The following FZD1 variants were observed in gnomAD, a reference collection of about 807,000 sequenced individuals.
FZD1 encodes the protein frizzled class receptor 1, also known as frizzled-1.
In FZD1, 22 loss-of-function variants were observed where a neutral mutation model predicts 48.0. The ratio of observed to expected loss-of-function variants is 0.46; its 90% CI spans 0.33 to 0.65. FZD1 has a LOEUF of 0.65. Ranked by LOEUF, FZD1 falls within the 30% of genes least tolerant of loss-of-function variation. The probability of loss-of-function intolerance (pLI) is 0.02; values close to 1 mark genes in which losing one functional copy is unlikely to be tolerated. For synonymous variants in FZD1, 486 were observed against 409.6 expected (o/e 1.19, Z -2.25); for missense variants, 843 against 898.1 (o/e 0.94, Z 0.78).
chr7:91,270,875 C>A lies in FZD1; in HGVS notation c.*4051C>A, dbSNP rs1470748083. 6.0e-6 allele frequency: 1 copy of A among 167,028 alleles called. No homozygotes were observed. Among genetic ancestry groups the A allele is most frequent in the East Asian group, 1.9e-4 (1 of 5,200 alleles). The allele number at this position is 167,028 out of a possible 1,614,324, so 10.3% of individuals were successfully genotyped here. On this transcript the variant is annotated 3_prime_UTR_variant, in exon 1 of 1. Coordinates refer to ENST00000287934, the MANE Select transcript of FZD1 (RefSeq NM_003505.2). ...TAGAGGTGGACGCTGGTGATATTGTCATTGAATACTTTGCAGAATACACTA... is the reference window on the plus strand; with the variant it reads ...TAGAGGTGGACGCTGGTGATATTGTAATTGAATACTTTGCAGAATACACTA...
Position 91,266,383 on chromosome 7 carries a change from C to A in FZD1, c.1503C>A (p.Ile501=), listed in dbSNP as rs1300737368. ...CGCCCCTCTTCGTGTACCTGTTTATCGGCACGTCCTTTCTGCTGGCCGGCT... is the reference window on the plus strand; with the variant it reads ...CGCCCCTCTTCGTGTACCTGTTTATAGGCACGTCCTTTCTGCTGGCCGGCT... ...VLAPLFVYLF[I]GTSFLLAGFV... The change falls in exon 1 of 1, where the codon ATC becomes ATA. Residue 501 remains isoleucine (I), a synonymous_variant. Coordinates refer to ENST00000287934, the MANE Select transcript of FZD1 (RefSeq NM_003505.2). The surrounding 1 kb of genome is among the most constrained non-coding windows in gnomAD (Gnocchi z 6.8). 4.3e-6 allele frequency: 7 copies of A among 1,614,148 alleles called. No homozygotes were observed. Among genetic ancestry groups the A allele is most frequent in the Non-Finnish European group, 5.9e-6 (7 of 1,180,010 alleles).
At position 91,266,847 on chromosome 7, in the gene FZD1, C is replaced by T. The variant is rs763684265; in HGVS notation, c.*23C>T. 5 of 1,485,822 alleles carry T rather than the reference C, an allele frequency of 3.4e-6. No individual in the cohort carries two copies. Among genetic ancestry groups the T allele is most frequent in the Non-Finnish European group, 4.6e-6 (5 of 1,095,548 alleles). The allele number at this position is 1,485,822 out of a possible 1,614,324, so 92.0% of individuals were successfully genotyped here. A position where few individuals can be genotyped will look rare whatever the true frequency, so the allele number is the denominator to read the frequency against. On this transcript the variant is annotated 3_prime_UTR_variant, in exon 1 of 1. Transcript: ENST00000287934. The surrounding 1 kb of genome is among the most constrained non-coding windows in gnomAD (Gnocchi z 6.8). ...TGAGACCCGGGGCTCAGCCCATGCC[C>T]AGGCCTCGGCCGGGGCGCAGCGATC...
chr7:91,267,916 G>T lies in FZD1; in HGVS notation c.*1092G>T, dbSNP rs1389277144. On this transcript the variant is annotated 3_prime_UTR_variant, in exon 1 of 1. Coordinates refer to ENST00000287934, the MANE Select transcript of FZD1 (RefSeq NM_003505.2). ...AAAATGTTAATTCTAATTGCATACG[G>T]ATGCCTGGCAACCTTGCCTTTGAGA... is the stretch of plus-strand genomic sequence containing the variant. 1.2e-5 allele frequency: 2 copies of T among 167,076 alleles called. No individual in the cohort carries two copies. The highest frequency in any genetic ancestry group is 2.4e-5 in the African/African-American group (1 of 41,436). The allele number at this position is 167,076 out of a possible 1,614,324, so 10.3% of individuals were successfully genotyped here.
chr7:91,266,042 G>A lies in FZD1; in HGVS notation c.1162G>A (p.Asp388Asn). The A allele has an allele frequency of 6.2e-7, 1 of 1,614,190 alleles. No individual in the cohort carries two copies. Among genetic ancestry groups the A allele is most frequent in the Non-Finnish European group, 8.5e-7 (1 of 1,180,018 alleles). Reference protein sequence around the residue: ...RVVCNDKFAEDGARTVAQGTK... With the variant: ...RVVCNDKFAENGARTVAQGTK... ...GGTGTGTAATGACAAGTTCGCCGAGGACGGGGCACGCACTGTGGCGCAGGG... is the reference window on the plus strand; with the variant it reads ...GGTGTGTAATGACAAGTTCGCCGAGAACGGGGCACGCACTGTGGCGCAGGG... The change falls in exon 1 of 1, where the codon GAC (aspartate) becomes AAC (asparagine). Residue 388 changes from aspartate to asparagine, a missense_variant. Asp to Asn is a conservative substitution (Grantham distance 23). This residue lies in a region of FZD1 where 353 missense variants were observed against 431.6 expected (regional missense o/e 0.82). Coordinates refer to ENST00000287934, the MANE Select transcript of FZD1 (RefSeq NM_003505.2). This position sits in a 1 kb window ranked among gnomAD's most constrained non-coding sequence, Gnocchi z 6.8.
chr7:91,265,965 ACACGGC>A lies in FZD1; in HGVS notation c.1087_1092del (p.Thr363_Ala364del), dbSNP rs1803872610. ...CCCATCATCTTCTTGTCCGGCTGTT[ACACGGC>A]CGTGGCCGTGGCCTACATCGCCGGC... On this transcript the variant is annotated inframe_deletion, in exon 1 of 1. Transcript: ENST00000287934. The surrounding 1 kb of genome is among the most constrained non-coding windows in gnomAD (Gnocchi z 6.9). 1 of 1,613,932 alleles carries A rather than the reference ACACGGC, an allele frequency of 6.2e-7. No individual in the cohort carries two copies. The highest frequency in any genetic ancestry group is 1.7e-5 in the Admixed American group (1 of 60,010).
At position 91,265,269 on chromosome 7, in the gene FZD1, A is replaced by G. The variant is rs1319234441; in HGVS notation, c.389A>G (p.Asn130Ser). 2 of 1,614,094 alleles carry G rather than the reference A, an allele frequency of 1.2e-6. No homozygotes were observed. Among genetic ancestry groups the G allele is most frequent in the South Asian group, 1.1e-5 (1 of 91,084 alleles). Residue 130 changes from asparagine to serine, a missense_variant, in exon 1 of 1, where the codon AAC becomes AGC. Around this residue, in one of 2 missense-constraint regions of FZD1, gnomAD observed 490 missense variants for 466.5 expected, o/e 1.05. Transcript: ENST00000287934. The surrounding 1 kb of genome is among the most constrained non-coding windows in gnomAD (Gnocchi z 6.9). ...CCGCTGTGCACGGACATCGCGTACAACCAGACCATCATGCCCAACCTGCTG... is the reference window on the plus strand; with the variant it reads ...CCGCTGTGCACGGACATCGCGTACAGCCAGACCATCATGCCCAACCTGCTG... ...SIPLCTDIAY[N>S]QTIMPNLLGH...
chr7:91,266,943 T>G lies in FZD1; in HGVS notation c.*119T>G. 6 of 689,692 alleles carry G rather than the reference T, an allele frequency of 8.7e-6. No individual in the cohort carries two copies. Among genetic ancestry groups the G allele is most frequent in the Non-Finnish European group, 1.5e-5 (6 of 394,362 alleles). The allele number at this position is 689,692 out of a possible 1,614,324, so 42.7% of individuals were successfully genotyped here. A position where few individuals can be genotyped will look rare whatever the true frequency, so the allele number is the denominator to read the frequency against. ...AGGTTTCCTCACTAGACAACTCTCT[T>G]TCGCAGGCTCCTTTGAACAACTCAG... is the stretch of plus-strand genomic sequence containing the variant. On this transcript the variant is annotated 3_prime_UTR_variant, in exon 1 of 1. Transcript: ENST00000287934. The surrounding 1 kb of genome is among the most constrained non-coding windows in gnomAD (Gnocchi z 6.8).
At position 91,270,003 on chromosome 7, in the gene FZD1, A is replaced by G. The variant is rs1437287992; in HGVS notation, c.*3179A>G. On this transcript the variant is annotated 3_prime_UTR_variant, in exon 1 of 1. Coordinates refer to ENST00000287934, the MANE Select transcript of FZD1 (RefSeq NM_003505.2). Reference sequence around the variant, plus strand: ...CACCACCAGCCTTTATTCTTAGAAAACAATTTATTCTAAATGATGATGCAT... The same window carrying G: ...CACCACCAGCCTTTATTCTTAGAAAGCAATTTATTCTAAATGATGATGCAT... 6.0e-6 allele frequency: 1 copy of G among 167,058 alleles called. No individual in the cohort carries two copies. Among genetic ancestry groups the G allele is most frequent in the East Asian group, 1.9e-4 (1 of 5,198 alleles). The allele number at this position is 167,058 out of a possible 1,614,324, so 10.3% of individuals were successfully genotyped here.
In FZD1 at chr7:91,265,484, A is replaced by G. The variant is rs1340503008; in HGVS notation, c.604A>G (p.Met202Val). The change falls in exon 1 of 1, where the codon ATG becomes GTG. Residue 202 changes from methionine (M) to valine (V), a missense_variant. Met to Val is a conservative substitution (Grantham distance 21). Coordinates refer to ENST00000287934, the MANE Select transcript of FZD1 (RefSeq NM_003505.2). The surrounding 1 kb of genome is among the most constrained non-coding windows in gnomAD (Gnocchi z 6.9). The part of the protein sequence containing the change: ...ERARQGCEAL[M>V]NKFGFQWPDT... ...CGCGCGCCAGGGCTGCGAGGCGCTC[A>G]TGAACAAGTTCGGCTTCCAGTGGCC... The G allele has an allele frequency of 6.2e-7, 1 of 1,613,112 alleles. No homozygotes were observed. Among genetic ancestry groups the G allele is most frequent in the South Asian group, 1.1e-5 (1 of 91,072 alleles).
At position 91,266,461 on chromosome 7, in the gene FZD1, C is replaced by T. The variant is rs777285934; in HGVS notation, c.1581C>T (p.Thr527=). ...TCATGAAGCACGATGGCACCAAGAC[C>T]GAGAAGCTGGAGAAGCTCATGGTGC... The part of the protein sequence containing the change: ...RTIMKHDGTK[T]EKLEKLMVRI... The change falls in exon 1 of 1, where the codon ACC becomes ACT. Residue 527 remains threonine (T), a synonymous_variant. Coordinates refer to ENST00000287934, the MANE Select transcript of FZD1 (RefSeq NM_003505.2). The surrounding 1 kb of genome is among the most constrained non-coding windows in gnomAD (Gnocchi z 6.8). The T allele has an allele frequency of 1.9e-6, 3 of 1,614,024 alleles. No individual in the cohort carries two copies. Among genetic ancestry groups the T allele is most frequent in the Non-Finnish European group, 2.5e-6 (3 of 1,180,012 alleles).
Position 91,265,501 on chromosome 7 carries a change from C to A in FZD1, c.621C>A (p.Phe207Leu). ...AGGCGCTCATGAACAAGTTCGGCTT[C>A]CAGTGGCCAGACACGCTCAAGTGTG... ...GCEALMNKFG[F>L]QWPDTLKCEK... Residue 207 changes from phenylalanine (F) to leucine (L), a missense_variant, in exon 1 of 1, where the codon TTC becomes TTA. Around this residue, in one of 2 missense-constraint regions of FZD1, gnomAD observed 490 missense variants for 466.5 expected, o/e 1.05. Transcript: ENST00000287934. The surrounding 1 kb of genome is among the most constrained non-coding windows in gnomAD (Gnocchi z 6.9). The A allele has an allele frequency of 2.5e-6, 4 of 1,612,780 alleles. No individual in the cohort carries two copies. Among genetic ancestry groups the A allele is most frequent in the Non-Finnish European group, 3.4e-6 (4 of 1,179,836 alleles).
In FZD1 at chr7:91,266,205, C is replaced by T; in HGVS notation, c.1325C>T (p.Ala442Val). The change falls in exon 1 of 1, where the codon GCC becomes GTC. Residue 442 changes from alanine to valine, a missense_variant. By Grantham distance (64) the Ala-to-Val change is moderately conservative (BLOSUM62 0). Transcript: ENST00000287934. This position sits in a 1 kb window ranked among gnomAD's most constrained non-coding sequence, Gnocchi z 6.8. ...AAGTGGGGCCACGAGGCCATCGAAG[C>T]CAACTCACAGTATTTTCACCTGGCC... ...GMKWGHEAIE[A>V]NSQYFHLAAW... 1.2e-6 allele frequency: 2 copies of T among 1,614,154 alleles called. No homozygotes were observed. The highest frequency in any genetic ancestry group is 1.7e-6 in the Non-Finnish European group (2 of 1,180,020).
rs752211281 is a variant in FZD1 at position 91,266,709 on chromosome 7, C to T, written c.1829C>T (p.Thr610Met). The change falls in exon 1 of 1, where the codon ACG (threonine) becomes ATG (methionine). Residue 610 changes from threonine to methionine, a missense_variant. Thr to Met is a moderately conservative substitution (Grantham distance 81). This residue lies in a region of FZD1 where 353 missense variants were observed against 431.6 expected (regional missense o/e 0.82). Transcript: ENST00000287934. This position sits in a 1 kb window ranked among gnomAD's most constrained non-coding sequence, Gnocchi z 6.8. ...GTCTTCATGATTAAGTACCTTATGA[C>T]GCTGATCGTGGGCATCACGTCGGGC... ...FTVFMIKYLMTLIVGITSGFW... is the reference protein window; with the variant it reads ...FTVFMIKYLMMLIVGITSGFW... The T allele has an allele frequency of 6.2e-6, 10 of 1,612,768 alleles. No homozygotes were observed. In the East Asian group the frequency reaches 1.1e-4, roughly 18 times the overall value.
In FZD1 at chr7:91,264,930, C is replaced by G. The variant is rs1204031730; in HGVS notation, c.50C>G (p.Ala17Gly). The change falls in exon 1 of 1, where the codon GCG becomes GGG. Residue 17 changes from alanine (A) to glycine (G), a missense_variant. Physicochemically the swap from Ala to Gly is moderately conservative, Grantham distance 60. Coordinates refer to ENST00000287934, the MANE Select transcript of FZD1 (RefSeq NM_003505.2). ...AAGTCCCGGGCCGCCGGCGGTGGCGCGAGCTGGGAACTTTGTGCCGGGGCG... is the reference window on the plus strand; with the variant it reads ...AAGTCCCGGGCCGCCGGCGGTGGCGGGAGCTGGGAACTTTGTGCCGGGGCG... ...PKKSRAAGGG[A>G]SWELCAGALS... 2 of 1,339,310 alleles carry G rather than the reference C, an allele frequency of 1.5e-6. No homozygotes were observed. Among genetic ancestry groups the G allele is most frequent in the Non-Finnish European group, 1.9e-6 (2 of 1,050,024 alleles). 83.0% of individuals were successfully genotyped at this position (1,339,310 alleles called of 1,614,324 possible).
In FZD1 at chr7:91,265,202, A is replaced by G. The variant is rs1487159468; in HGVS notation, c.322A>G (p.Ile108Val). ...SGQQYNGERG[I>V]SVPDHGYCQP... The stretch of plus-strand genomic sequence containing the variant: ...GCAGCAGTACAACGGCGAGCGGGGC[A>G]TCTCCGTCCCGGACCACGGCTATTG... The change falls in exon 1 of 1, where the codon ATC becomes GTC. Residue 108 changes from isoleucine to valine, a missense_variant. Physicochemically the swap from Ile to Val is conservative, Grantham distance 29 (BLOSUM62 3). This residue lies in a region of FZD1 where 490 missense variants were observed against 466.5 expected (regional missense o/e 1.05). Transcript: ENST00000287934. This position sits in a 1 kb window ranked among gnomAD's most constrained non-coding sequence, Gnocchi z 6.9. The G allele has an allele frequency of 1.2e-6, 2 of 1,613,628 alleles. No individual in the cohort carries two copies. Among genetic ancestry groups the G allele is most frequent in the Non-Finnish European group, 1.7e-6 (2 of 1,179,906 alleles).
At position 91,266,081 on chromosome 7, in the gene FZD1, G is replaced by C; in HGVS notation, c.1201G>C (p.Gly401Arg). 6.2e-7 allele frequency: 1 copy of C among 1,614,212 alleles called. No individual in the cohort carries two copies. Among genetic ancestry groups the C allele is most frequent in the Non-Finnish European group, 8.5e-7 (1 of 1,180,042 alleles). ...RTVAQGTKKE[G>R]CTILFMMLYF... ...TGTGGCGCAGGGCACCAAGAAGGAG[G>C]GCTGCACCATCCTCTTCATGATGCT... Residue 401 changes from glycine (G) to arginine (R), a missense_variant, in exon 1 of 1, where the codon GGC (glycine) becomes CGC (arginine). Transcript: ENST00000287934. The surrounding 1 kb of genome is among the most constrained non-coding windows in gnomAD (Gnocchi z 6.8).
rs1311829566 is a variant in FZD1, at chr7:91,265,190, G to A, written c.310G>A (p.Gly104Ser). The change falls in exon 1 of 1, where the codon GGC becomes AGC. Residue 104 changes from glycine to serine, a missense_variant. Gly to Ser is a moderately conservative substitution (Grantham distance 56, BLOSUM62 0). This residue lies in a region of FZD1 where 490 missense variants were observed against 466.5 expected (regional missense o/e 1.05). Transcript: ENST00000287934. The surrounding 1 kb of genome is among the most constrained non-coding windows in gnomAD (Gnocchi z 6.9). Reference sequence around the variant, plus strand: ...GCAACAGAGCGGGCAGCAGTACAACGGCGAGCGGGGCATCTCCGTCCCGGA... The same window carrying A: ...GCAACAGAGCGGGCAGCAGTACAACAGCGAGCGGGGCATCTCCGTCCCGGA... Reference protein sequence around the residue: ...QQQQSGQQYNGERGISVPDHG... With the variant: ...QQQQSGQQYNSERGISVPDHG... The A allele has an allele frequency of 6.2e-7, 1 of 1,613,078 alleles. No homozygotes were observed.
Position 91,265,168 on chromosome 7 carries a change from A to G in FZD1, c.288A>G (p.Gln96=), listed in dbSNP as rs1803852196. 1.9e-6 allele frequency: 3 copies of G among 1,610,866 alleles called. No homozygotes were observed. Among genetic ancestry groups the G allele is most frequent in the East Asian group, 2.2e-5 (1 of 44,838 alleles). Residue 96 remains glutamine, a synonymous_variant, in exon 1 of 1, where the codon CAA becomes CAG. Transcript: ENST00000287934. The surrounding 1 kb of genome is among the most constrained non-coding windows in gnomAD (Gnocchi z 6.9). The part of the protein sequence containing the change: ...GQQPPPPPQQ[Q]QSGQQYNGER... ...AACCGCCGCCGCCGCCTCAGCAGCAACAGAGCGGGCAGCAGTACAACGGCG... is the reference window on the plus strand; with the variant it reads ...AACCGCCGCCGCCGCCTCAGCAGCAGCAGAGCGGGCAGCAGTACAACGGCG...
In FZD1 at chr7:91,267,741, T is replaced by A. The variant is rs1030721151; in HGVS notation, c.*917T>A. 1 of 167,000 alleles carries A rather than the reference T, an allele frequency of 6.0e-6. No homozygotes were observed. The highest frequency in any genetic ancestry group is 1.9e-4 in the East Asian group (1 of 5,196). The allele number at this position is 167,000 out of a possible 1,614,324, so 10.3% of individuals were successfully genotyped here. The stretch of plus-strand genomic sequence containing the variant: ...ATAACCAATGCCAAACTTTTTGAAG[T>A]CTAATTTTTGAGGGGTGAGCTCATT... On this transcript the variant is annotated 3_prime_UTR_variant, in exon 1 of 1. Coordinates refer to ENST00000287934, the MANE Select transcript of FZD1 (RefSeq NM_003505.2).
Sources: allele counts gnomAD v4.1 joint callset, GRCh38; gene constraint gnomAD v4.1.1; regional missense constraint gnomAD v4.1.1; non-coding constraint Gnocchi (gnomAD v3.1); transcripts MANE v1.5; gene names NCBI Gene and HGNC (gene_info 2026-07-23, HGNC 2026-07-21).